ANKRD18B: variants seen among roughly 807,000 people sequenced by gnomAD.
ANKRD18B encodes the protein ankyrin repeat domain-containing protein 18B.
Under a neutral mutation model 111.8 loss-of-function variants are expected in ANKRD18B, and 75 were observed. The ratio of observed to expected loss-of-function variants is 0.67; its 90% confidence interval spans 0.56 to 0.81. The LOEUF (loss-of-function observed/expected upper bound fraction) is 0.81, where lower values mean the gene tolerates loss of function less well. Ranked by LOEUF, ANKRD18B falls within the 40% of genes least tolerant of loss-of-function variation. The pLI is 0.00. For synonymous variants in ANKRD18B, 356 were observed against 417.3 expected (o/e 0.85, Z 1.79); for missense variants, 1,038 against 1,225.5 (o/e 0.85, Z 2.28).
At chr9:33,525,757 T>C (rs1296508072) in intron 1 of ANKRD18B, among the ~76,000 whole-genome samples, 1 of 149,994 alleles carries the variant, frequency 6.7e-6, no homozygotes, top group Non-Finnish European at 1.5e-5. Flanking sequence ...TTTTTACTAA[T>C]ATATAAAAAT....
At chr9:33,541,112 A>G in intron 8 of ANKRD18B, 35 bp from the exon 9 acceptor site, 2 of 1,537,574 alleles carry the variant, frequency 1.3e-6, no homozygotes, top group Non-Finnish European at 1.7e-6. Context: ...GATGTTTTCC[A>G]GAAGGAATAT....
At chr9:33,562,056 A>G (rs1828615840) in intron 14 of ANKRD18B, among the ~76,000 whole-genome samples, 1 of 152,136 alleles carries the variant, frequency 6.6e-6, no homozygotes, top group Non-Finnish European at 1.5e-5. Context: ...ACTCTAAGAC[A>G]TGATGGCAAG....
intron 3 of ANKRD18B, 128 bp from the exon 4 acceptor site, chr9:33,533,311 G>C: frequency 6.9e-7 from 1 of 1,457,800 alleles, no homozygotes; most frequent in Non-Finnish European, 9.0e-7. Flanking sequence ...TGAAAGGGAC[G>C]GGACTGCTTT....
At chr9:33,559,673 T>C (rs564466941) in intron 14 of ANKRD18B, among the ~76,000 whole-genome samples, 1 of 152,254 alleles carries the variant, frequency 6.6e-6, no homozygotes, top group Non-Finnish European at 1.5e-5. Context: ...TATATGTATA[T>C]ATTTTTCTAT....
intron 1 of ANKRD18B, 44 bp downstream of exon 1, chr9:33,524,739 G>A: frequency 6.6e-7 from 1 of 1,524,712 alleles, no homozygotes; most frequent in South Asian, 1.2e-5. Flanking sequence ...CCCCAGGCCC[G>A]GTTTCCCCGC....
At chr9:33,573,380 C>T, downstream of ANKRD18B, 3 of 829,722 alleles carry the variant, frequency 3.6e-6, no homozygotes, top group Non-Finnish European at 4.4e-6. Flanking sequence ...ATTAGTCTCT[C>T]TGCAGCCTCT....
Position 33,558,165 on chromosome 9 carries a change from T to C in ANKRD18B, c.2438T>C (p.Leu813Pro). The C allele has an allele frequency of 1.2e-6, 2 of 1,609,878 alleles. No homozygotes were observed. Among genetic ancestry groups the C allele is most frequent in the South Asian group, 1.1e-5 (1 of 89,568 alleles). The change falls in exon 14 of 19, where the codon CTG (leucine) becomes CCG (proline). Residue 813 changes from leucine to proline, a missense_variant. This residue lies in a region of ANKRD18B where 524 missense variants were observed against 677.9 expected (regional missense o/e 0.77). Transcript: ENST00000684830. ...ACAGACCAACTGAAAATGGATATTC[T>C]GTTTAAGAAGCTAAAACAGAAGGTA... ...LNTDQLKMDI[L>P]FKKLKQKFDD... is the part of the protein sequence containing the mutation.
At chr9:33,533,792 A>G (rs1374489480) in intron 4 of ANKRD18B, 1 of 722,564 alleles carries the variant, frequency 1.4e-6, no homozygotes, top group African/African-American at 1.9e-5. Flanking sequence ...TTGTCCTGTA[A>G]TCTTATATTA....
chr9:33,555,526 T>G (rs1828509019), intron 12 of ANKRD18B, among the ~76,000 whole-genome samples, 182 bp from the exon 13 acceptor site: 1 of 152,214 alleles, frequency 6.6e-6, no homozygotes, highest in Non-Finnish European at 1.5e-5. Flanking sequence ...GTGTGAATCT[T>G]TTTTAGCTGT....
In ANKRD18B at chr9:33,543,320, T is replaced by C; in HGVS notation, c.1149+65T>C. 7 of 1,353,308 alleles carry C rather than the reference T, an allele frequency of 5.2e-6. No homozygotes were observed. In the South Asian group the frequency reaches 8.1e-5, roughly 16 times the overall value. The allele number at this position is 1,353,308 out of a possible 1,614,324, so 83.8% of individuals were successfully genotyped here. ...TTTGTTTTTCTTTAATAACATAGCA[T>C]AGTCCAAATGAAGTGACCTTTTAGA... is the stretch of plus-strand genomic sequence containing the variant. On this transcript the variant is annotated intron_variant, in intron 10 of 18. Transcript: ENST00000684830.
chr9:33,556,654 T>C (rs1828531699), intron 13 of ANKRD18B, among the ~76,000 whole-genome samples: 1 of 152,198 alleles, frequency 6.6e-6, no homozygotes. Flanking sequence ...TCTGAAGATA[T>C]TTTTGCTGTA....
At position 33,541,127 on chromosome 9, in the gene ANKRD18B, C is replaced by G; in HGVS notation, c.998-20C>G. The G allele has an allele frequency of 6.5e-7, 1 of 1,536,558 alleles. No individual in the cohort carries two copies. Among genetic ancestry groups the G allele is most frequent in the Non-Finnish European group, 8.7e-7 (1 of 1,143,114 alleles). ...GATGTTTTCCAGAAGGAATATCTAA[C>G]AAGTTTGCGTGTTTGACAGAAACAG... On this transcript the variant is annotated intron_variant, in intron 8 of 18. Coordinates refer to ENST00000684830, the MANE Select transcript of ANKRD18B (RefSeq NM_001393611.1).
intron 8 of ANKRD18B, among the ~76,000 whole-genome samples, chr9:33,540,595 G>T (rs1278631959): frequency 6.6e-6 from 1 of 152,082 alleles, no homozygotes; most frequent in African/African-American, 2.4e-5. Flanking sequence ...TGTAAGCAGG[G>T]GAGGCATTAG....
intron 5 of ANKRD18B, 31 bp downstream of exon 5, chr9:33,534,538 A>T (rs1372351685): frequency 6.7e-7 from 1 of 1,492,704 alleles, no homozygotes; most frequent in South Asian, 1.4e-5. Flanking sequence ...ACCGGTTAAT[A>T]CTAAATTAAG....
intron 14 of ANKRD18B, among the ~76,000 whole-genome samples, chr9:33,561,510 T>G (rs976696078): frequency 6.6e-6 from 1 of 152,236 alleles, no homozygotes; most frequent in African/African-American, 2.4e-5. Context: ...CTTCATACTG[T>G]CTTCTCAGGC....
In ANKRD18B at chr9:33,568,271, T is replaced by C. The variant is rs562712012; in HGVS notation, c.2955-400T>C. 5.3e-5 allele frequency among the ~76,000 whole-genome samples: 8 copies of C among 152,364 alleles called. No homozygotes were observed. The East Asian group carries it at 1.3e-3, about 26-fold the overall frequency. On this transcript the variant is annotated intron_variant, in intron 16 of 18. Coordinates refer to ENST00000684830, the MANE Select transcript of ANKRD18B (RefSeq NM_001393611.1). ...CATATAATTATTTATAGTGAAGTAG[T>C]TCTTATAGTCAAGCAAATTAACATA...
chr9:33,551,288 C>A (rs1828441900), intron 12 of ANKRD18B, among the ~76,000 whole-genome samples: 1 of 152,150 alleles, frequency 6.6e-6, no homozygotes, highest in Non-Finnish European at 1.5e-5. Context: ...AAATGTACAA[C>A]TCAGTGTCTG....
intron 12 of ANKRD18B, among the ~76,000 whole-genome samples, chr9:33,555,311 C>T (rs1225290716): frequency 1.3e-5 from 2 of 152,122 alleles, no homozygotes; most frequent in Non-Finnish European, 2.9e-5. Context: ...TAAGAGTTTT[C>T]TAAAAATCAT....
intron 10 of ANKRD18B, among the ~76,000 whole-genome samples, chr9:33,547,384 T>A (rs1455480312): frequency 6.6e-6 from 1 of 152,144 alleles, no homozygotes; most frequent in Non-Finnish European, 1.5e-5. Context: ...ATGTCTAGAT[T>A]TATGATTTAG....
Sources: gnomAD v4.1 joint callset for allele counts (sites outside exome capture counted in the v4.1 genomes callset) on GRCh38, gnomAD v4.1.1 for gene constraint, gnomAD v4.1.1 regional missense constraint, MANE v1.5 for transcripts, NCBI Gene and HGNC (gene_info 2026-07-23, HGNC 2026-07-21) for gene names.